NBAS: variants seen among roughly 807,000 people sequenced by gnomAD.
NBAS encodes NBAS subunit of NRZ tethering complex, also known as NAG/BC035112 fusion.
A neutral mutation model predicts 302.5 loss-of-function variants in NBAS; 219 were observed. The ratio of observed to expected loss-of-function variants is 0.72; its 90% CI spans 0.65 to 0.81. The LOEUF is 0.81. Ranked by LOEUF, NBAS falls within the 30% of genes least tolerant of loss-of-function variation. The pLI is 0.00. For missense variants in NBAS, 2,932 were observed against 2,841.6 expected, an observed-to-expected ratio of 1.03 and a Z score of -0.72; for synonymous variants, 1,118 against 1,021.6, an observed-to-expected ratio of 1.09 and a Z score of -1.80.
the NBAS span, among the ~76,000 whole-genome samples, chr2:14,858,809 A>C: frequency 6.6e-6 from 1 of 152,080 alleles, no homozygotes; most frequent in East Asian, 1.9e-4. Flanking sequence ...ATTTTTAAAA[A>C]CTAAAAGAAT....
chr2:15,195,885 C>T (rs560034618), intron 48 of NBAS, among the ~76,000 whole-genome samples: 1 of 152,296 alleles, frequency 6.6e-6, no homozygotes, highest in East Asian at 1.9e-4. Context: ...AAACACACTG[C>T]GCACACAGCC....
the NBAS span, among the ~76,000 whole-genome samples, chr2:14,962,340 T>C: frequency 1.3e-5 from 2 of 152,254 alleles, no homozygotes; most frequent in African/African-American, 4.8e-5. Context: ...TGAACTGTAA[T>C]TGGTTCAATT....
chr2:15,465,256 T>C (rs1049180477), intron 19 of NBAS, among the ~76,000 whole-genome samples: 2 of 152,222 alleles, frequency 1.3e-5, no homozygotes, highest in African/African-American at 4.8e-5. Context: ...TCCATTCTAA[T>C]GTCCCCCTTA....
chr2:15,052,961 A>G, the NBAS span, among the ~76,000 whole-genome samples: 1 of 152,220 alleles, frequency 6.6e-6, no homozygotes, highest in African/African-American at 2.4e-5. Flanking sequence ...TTCAAAGTAC[A>G]GGAGAGAAAG....
At position 15,390,283 on chromosome 2, in the gene NBAS, G is replaced by C. The variant is rs577206865; in HGVS notation, c.3257+3944C>G. 2.6e-5 allele frequency among the ~76,000 whole-genome samples: 4 copies of C among 152,284 alleles called. No individual in the cohort carries two copies. The East Asian group carries it at 7.7e-4, about 29-fold the overall frequency. ...AAAAAGCAAAAAGATTAAACTGTTT[G>C]CAAGTAAATTAACCATGTCCCAGAA... On this transcript the variant is annotated intron_variant, in intron 28 of 51. Coordinates refer to ENST00000281513, the MANE Select transcript of NBAS (RefSeq NM_015909.4).
intron 48 of NBAS, among the ~76,000 whole-genome samples, chr2:15,207,423 T>C (rs1266662048): frequency 6.6e-6 from 1 of 152,218 alleles, no homozygotes; most frequent in African/African-American, 2.4e-5. Flanking sequence ...ACTCTGAGCT[T>C]GTGCTTTTCA....
At chr2:15,131,088 T>A in the NBAS span, among the ~76,000 whole-genome samples, 2 of 152,308 alleles carry the variant, frequency 1.3e-5, no homozygotes, top group African/African-American at 4.8e-5. Flanking sequence ...TCCACTGCAT[T>A]CCTATACGAG....
intron 35 of NBAS, among the ~76,000 whole-genome samples, chr2:15,346,529 T>C (rs186079477): frequency 2.5e-4 from 38 of 152,242 alleles, no homozygotes; most frequent in African/African-American, 7.9e-4. Context: ...TGTGAAGAAA[T>C]AGGAATGCTT....
intron 44 of NBAS, among the ~76,000 whole-genome samples, chr2:15,248,471 C>A (rs1258465109): frequency 1.3e-5 from 2 of 152,066 alleles, no homozygotes; most frequent in African/African-American, 4.8e-5. Context: ...CAGAGCAGTA[C>A]TGAAGGAGAT....
At chr2:15,365,022 G>A (rs976579482) in intron 32 of NBAS, among the ~76,000 whole-genome samples, 28 of 152,022 alleles carry the variant, frequency 1.8e-4, no homozygotes, top group Non-Finnish European at 4.4e-5. Context: ...GCCTTTCTTC[G>A]AGTCTTCTAT....
chr2:15,544,122 A>C (rs1394206489), intron 6 of NBAS, among the ~76,000 whole-genome samples: 1 of 152,194 alleles, frequency 6.6e-6, no homozygotes, highest in Non-Finnish European at 1.5e-5. Context: ...CCTCATTTTC[A>C]TAGTGAATTC....
chr2:15,245,402 T>G lies in NBAS; in HGVS notation c.5725-6716A>C, dbSNP rs376549923. On this transcript the variant is annotated intron_variant, in intron 44 of 51. Coordinates refer to ENST00000281513, the MANE Select transcript of NBAS (RefSeq NM_015909.4). Reference sequence around the variant, plus strand: ...CTTGACCCTCTACTTCTCTTGGGACTTCACAAAAATGTCATCTTATCCGAG... The same window carrying G: ...CTTGACCCTCTACTTCTCTTGGGACGTCACAAAAATGTCATCTTATCCGAG... Among the ~76,000 whole-genome samples the G allele has an allele frequency of 1.6e-3, 250 of 152,202 alleles. 2 individuals are homozygous for G. The highest frequency in any genetic ancestry group is 5.7e-3 in the African/African-American group (237 of 41,526).
intron 32 of NBAS, among the ~76,000 whole-genome samples, chr2:15,361,491 T>C (rs1264037209): frequency 6.6e-6 from 1 of 151,198 alleles, no homozygotes; most frequent in African/African-American, 2.4e-5. Flanking sequence ...CCAGCCTGGG[T>C]GACACAGTGA....
chr2:15,441,761 C>G lies in NBAS; in HGVS notation c.2340-13967G>C, dbSNP rs565498524. On this transcript the variant is annotated intron_variant, in intron 21 of 51. Transcript: ENST00000281513. The stretch of plus-strand genomic sequence containing the variant: ...ATCAGTGTGCTGTATTCAGGAAACC[C>G]ATCTCATGTGCAGAGACAAACATAG... 3.9e-5 allele frequency among the ~76,000 whole-genome samples: 6 copies of G among 152,172 alleles called. No individual in the cohort carries two copies. The East Asian group carries it at 1.2e-3, about 29-fold the overall frequency.
the NBAS span, among the ~76,000 whole-genome samples, chr2:14,831,412 T>C: frequency 2.0e-5 from 3 of 152,178 alleles, no homozygotes; most frequent in Non-Finnish European, 4.4e-5. Flanking sequence ...ATGGAAATAA[T>C]GTCAAAGAAA....
the NBAS span, among the ~76,000 whole-genome samples, chr2:14,956,181 A>G: frequency 5.3e-5 from 8 of 152,288 alleles, no homozygotes; most frequent in African/African-American, 1.9e-4. Context: ...CTTTTATTCC[A>G]GTTCATAACA....
At chr2:15,389,889 GC>G (rs1364182188) in intron 28 of NBAS, among the ~76,000 whole-genome samples, 2 of 152,142 alleles carry the variant, frequency 1.3e-5, no homozygotes, top group African/African-American at 4.8e-5. Flanking sequence ...AAGATTCCAG[GC>G]CACAGCACAA....
At chr2:15,350,973 T>C (rs1572701945) in intron 35 of NBAS, among the ~76,000 whole-genome samples, 1 of 152,336 alleles carries the variant, frequency 6.6e-6, no homozygotes, top group East Asian at 1.9e-4. Context: ...ACAATGCACA[T>C]TTCCAGTGCT....
chr2:15,328,625 T>C (rs1258038871), intron 36 of NBAS, among the ~76,000 whole-genome samples: 1 of 152,192 alleles, frequency 6.6e-6, no homozygotes, highest in African/African-American at 2.4e-5. Flanking sequence ...GTTGTTCATA[T>C]GGTGAGTTTT....
Sources: gnomAD v4.1 joint callset for allele counts (sites outside exome capture counted in the v4.1 genomes callset) on GRCh38, gnomAD v4.1.1 for gene constraint, MANE v1.5 for transcripts, NCBI Gene and HGNC (gene_info 2026-07-23, HGNC 2026-07-21) for gene names.